NBPF20: variants seen among roughly 807,000 people sequenced by gnomAD.
NBPF20 encodes the protein NBPF family member NBPF20.
Under a neutral mutation model 68.1 loss-of-function variants are expected in NBPF20, and 90 were observed. That is an observed-to-expected ratio of 1.32 (90% CI 1.11 to 1.58). The LOEUF is 1.58. Among genes scored for constraint, NBPF20 ranks in the 40% most tolerant of loss-of-function variants. The pLI, the probability that NBPF20 is intolerant of heterozygous loss-of-function variation, is 0.00. For synonymous variants in NBPF20, 290 were observed against 228.1 expected, an observed-to-expected ratio of 1.27 and a Z score of -2.45; for missense variants, 816 against 601.2, an observed-to-expected ratio of 1.36 and a Z score of -3.74.
chr1:145,394,204 T>C (rs1276892571), intron 8 of NBPF20, among the ~76,000 whole-genome samples: 1 of 151,958 alleles, frequency 6.6e-6, no homozygotes, highest in East Asian at 1.9e-4. Context: ...ATGAGAAATT[T>C]TTTCCCCAAT....
chr1:145,393,485 A>G (rs1253569834), intron 9 of NBPF20, among the ~76,000 whole-genome samples: 2 of 151,014 alleles, frequency 1.3e-5, no homozygotes, highest in African/African-American at 4.8e-5. Context: ...ACACACACAC[A>G]CACACAGAGC....
At chr1:145,291,767 A>G (rs782534618) in exon 138 of NBPF20, 1 of 1,611,990 alleles carries the variant, frequency 6.2e-7, no homozygotes, top group South Asian at 1.1e-5. Flanking sequence ...CACGCCGTTG[A>G]GCCTGGAAAA....
At chr1:145,292,057 G>C (rs1317769540) in intron 137 of NBPF20, among the ~76,000 whole-genome samples, 5 of 149,440 alleles carry the variant, frequency 3.3e-5, no homozygotes, top group Admixed American at 6.6e-5. Flanking sequence ...GACACTCTGA[G>C]TTAGTGTCCT....
chr1:145,298,367 C>G (rs1166842500), intron 129 of NBPF20, among the ~76,000 whole-genome samples: 1 of 144,108 alleles, frequency 6.9e-6, no homozygotes, highest in Non-Finnish European at 1.5e-5. Flanking sequence ...GACACACACA[C>G]ACAGACACAC....
chr1:145,417,742 AAAC>A, the NBPF20 span, among the ~76,000 whole-genome samples: 1 of 148,352 alleles, frequency 6.7e-6, no homozygotes, highest in African/African-American at 2.5e-5. Context: ...TTGCACATTA[AAAC>A]AACGAGATAT....
the NBPF20 span, among the ~76,000 whole-genome samples, chr1:145,411,210 T>G: frequency 6.8e-6 from 1 of 146,344 alleles, no homozygotes; most frequent in African/African-American, 2.5e-5. Flanking sequence ...TTATTAGAAT[T>G]GCATTGGATC....
chr1:145,411,387 CTTTTT>C, the NBPF20 span, among the ~76,000 whole-genome samples: 2 of 106,164 alleles, frequency 1.9e-5, no homozygotes, highest in Admixed American at 9.6e-5. Context: ...GTTGACTTTC[CTTTTT>C]TTTTTTTTTT....
Position 145,291,581 on chromosome 1 carries a change from A to T in NBPF20, c.16886T>A (p.Leu5629Ter), listed in dbSNP as rs200175900. The change falls in exon 138 of 138, where the codon TTG (leucine) becomes TAG (stop). Residue 5629 changes from leucine to a stop codon, truncating the protein, a stop_gained. Coordinates refer to ENST00000369373, the Ensembl canonical transcript of NBPF20. LOFTEE classifies it high-confidence loss of function. ...CACCAGGTGGAGACTTGTCACCGTCAAAGTAAAAAACCTATTGTCCACGTA... is the reference window on the plus strand; with the variant it reads ...CACCAGGTGGAGACTTGTCACCGTCTAAGTAAAAAACCTATTGTCCACGTA... 3.8e-4 allele frequency: 611 copies of T among 1,611,910 alleles called. 1 individual carries two copies. Among genetic ancestry groups the T allele is most frequent in the Non-Finnish European group, 4.9e-4 (573 of 1,179,874 alleles).
chr1:145,393,886 G>C (rs1553662984), exon 9 of NBPF20: 5 of 1,544,416 alleles, frequency 3.2e-6, no homozygotes, highest in South Asian at 2.2e-5. Context: ...AGACTCACCT[G>C]GGACCTGTTG....
intron 112 of NBPF20, among the ~76,000 whole-genome samples, chr1:145,311,843 T>C (rs1225803307): frequency 0.56 from 59,554 of 105,760 alleles, 24,768 homozygotes; most frequent in Non-Finnish European, 0.74. Flanking sequence ...AATACTCAGA[T>C]TGTTCACGGT....
rs1272855619 is a variant in NBPF20, at chr1:145,392,722, C to T, written c.1216+352G>A. On this transcript the variant is annotated intron_variant, in intron 10 of 137. Transcript: ENST00000369373. ...CAAATACTCAGATTGTTCATGGTAG[C>T]GAGGATTTTAGACGCTGAAATTAGA... is the stretch of plus-strand genomic sequence containing the variant. Among the ~76,000 whole-genome samples, 184 of 62,312 alleles carry T rather than the reference C, an allele frequency of 3.0e-3. 19 individuals are homozygous for T. Among genetic ancestry groups the T allele is most frequent in the Non-Finnish European group, 4.0e-3 (152 of 37,954 alleles). The allele number at this position is 62,312 out of a possible 152,430, so 40.9% of individuals were successfully genotyped here.
exon 138 of NBPF20, chr1:145,290,090 T>G: frequency 6.7e-6 from 1 of 149,870 alleles, no homozygotes; most frequent in Non-Finnish European, 1.5e-5. Flanking sequence ...TTCTTCTTTT[T>G]GCAACAGCAG....
the NBPF20 span, among the ~76,000 whole-genome samples, chr1:145,422,114 G>A: frequency 8.8e-3 from 1,319 of 150,048 alleles, 9 homozygotes; most frequent in East Asian, 0.051. Flanking sequence ...ATATCACGTC[G>A]GCCCTTTAAA....
chr1:145,401,142 A>T lies in NBPF20; in HGVS notation c.494-11T>A. The T allele has an allele frequency of 1.9e-6, 3 of 1,603,052 alleles. No individual in the cohort carries two copies. Among genetic ancestry groups the T allele is most frequent in the Non-Finnish European group, 2.5e-6 (3 of 1,179,172 alleles). ...CATCGTTGTCATTTTCTGTAAATAC[A>T]GAAGTGTTCGTTCAGATATTTCCCA... On this transcript the variant is annotated splice_polypyrimidine_tract_variant and intron_variant, in intron 4 of 137. Coordinates refer to ENST00000369373, the Ensembl canonical transcript of NBPF20.
intron 3 of NBPF20, among the ~76,000 whole-genome samples, 184 bp from the exon 9 acceptor site, chr1:145,402,565 T>C (rs1179393674): frequency 2.6e-5 from 4 of 152,000 alleles, no homozygotes; most frequent in Non-Finnish European, 5.9e-5. Flanking sequence ...TTCCTCTGTA[T>C]CAGAGAGGGC....
At chr1:145,291,843 G>C in intron 137 of NBPF20, 74 bp from the exon 143 acceptor site, 14 of 1,610,716 alleles carry the variant, frequency 8.7e-6, no homozygotes, top group Admixed American at 1.7e-5. Context: ...GATTTCAGAA[G>C]TCACATAAGG....
At chr1:145,397,899 G>A (rs1284170983) in intron 7 of NBPF20, among the ~76,000 whole-genome samples, 5 of 152,014 alleles carry the variant, frequency 3.3e-5, no homozygotes, top group African/African-American at 1.2e-4. Flanking sequence ...GATCTACCAA[G>A]CAAATGGAAA....
At chr1:145,395,008 G>C in exon 8 of NBPF20, 4 of 1,611,890 alleles carry the variant, frequency 2.5e-6, no homozygotes, top group Non-Finnish European at 3.4e-6. Flanking sequence ...CAGACTTGCT[G>C]TTCCTCTAAT....
chr1:145,411,593 T>C, the NBPF20 span, among the ~76,000 whole-genome samples: 1 of 95,230 alleles, frequency 1.1e-5, no homozygotes, highest in South Asian at 3.4e-4. Context: ...GGTTTCACTG[T>C]GTTAGGCATG....
Sources: gnomAD v4.1 joint callset for allele counts (sites outside exome capture counted in the v4.1 genomes callset) on GRCh38, gnomAD v4.1.1 for gene constraint, MANE v1.5 for transcripts, NCBI Gene and HGNC (gene_info 2026-07-23, HGNC 2026-07-21) for gene names.